The following SOX5 variants were observed in gnomAD, a reference collection of about 807,000 sequenced individuals.
SOX5 encodes the protein SRY-box transcription factor 5.
SOX5 carries 9 observed loss-of-function variants against 92.0 expected under a neutral mutation model. That is an observed-to-expected ratio of 0.10 (90% CI 0.06 to 0.17). The LOEUF is 0.17. Ranked by LOEUF, SOX5 falls within the 10% of genes least tolerant of loss-of-function variation. The pLI is 1.00. For missense variants in SOX5, 642 were observed against 944.5 expected, an observed-to-expected ratio of 0.68 and a Z score of 4.20; for synonymous variants, 344 against 336.3, an observed-to-expected ratio of 1.02 and a Z score of -0.25.
At chr12:23,641,800 G>C (rs548605388) in intron 7 of SOX5, among the ~76,000 whole-genome samples, 3 of 152,182 alleles carry the variant, frequency 2.0e-5, no homozygotes, top group African/African-American at 7.2e-5. Flanking sequence ...AAAAATAATA[G>C]AACAATTTTG....
At chr12:24,166,918 T>C (rs566139329) in intron 4 of SOX5, among the ~76,000 whole-genome samples, 6 of 152,308 alleles carry the variant, frequency 3.9e-5, no homozygotes, top group Non-Finnish European at 7.4e-5. Context: ...CTGGAATGAT[T>C]CAGTGCTCAG....
At chr12:23,612,613 A>G (rs961862772) in intron 8 of SOX5, among the ~76,000 whole-genome samples, 1 of 152,188 alleles carries the variant, frequency 6.6e-6, no homozygotes, top group African/African-American at 2.4e-5. Context: ...AACAATTAAC[A>G]TATATGCAAT....
intron 7 of SOX5, among the ~76,000 whole-genome samples, chr12:23,651,149 T>C (rs998889095): frequency 4.6e-5 from 7 of 152,092 alleles, no homozygotes; most frequent in Non-Finnish European, 1.0e-4. Context: ...TCCCACTGAT[T>C]TGAAATGTGG....
intron 4 of SOX5, among the ~76,000 whole-genome samples, chr12:24,092,909 G>A (rs1449247697): frequency 6.6e-6 from 1 of 152,050 alleles, no homozygotes; most frequent in East Asian, 1.9e-4. Flanking sequence ...GGCCTTTAAC[G>A]CCACAGATTG....
chr12:23,914,573 A>G (rs1406799499), intron 1 of SOX5, among the ~76,000 whole-genome samples: 1 of 152,174 alleles, frequency 6.6e-6, no homozygotes, highest in East Asian at 1.9e-4. Context: ...CATTTGAGTG[A>G]TACCAATAAT....
chr12:23,758,661 T>C (rs147721726), intron 3 of SOX5, among the ~76,000 whole-genome samples: 3 of 152,076 alleles, frequency 2.0e-5, no homozygotes, highest in African/African-American at 4.8e-5. Flanking sequence ...AGCACATACA[T>C]TGCTGTGGTT....
intron 8 of SOX5, among the ~76,000 whole-genome samples, chr12:23,606,122 T>C (rs73091309): frequency 0.078 from 11,864 of 151,942 alleles, 633 homozygotes; most frequent in Middle Eastern, 0.11. Flanking sequence ...ATCTATGCAT[T>C]ATATACTGCA....
At chr12:24,299,867 T>C (rs1391712902) in intron 2 of SOX5, among the ~76,000 whole-genome samples, 2 of 152,340 alleles carry the variant, frequency 1.3e-5, no homozygotes, top group African/African-American at 2.4e-5. Flanking sequence ...TACCCGTTAT[T>C]TGATGACCCC....
intron 4 of SOX5, among the ~76,000 whole-genome samples, chr12:23,971,539 A>G (rs1030856118): frequency 2.7e-5 from 4 of 150,336 alleles, no homozygotes; most frequent in Admixed American, 2.7e-4. Context: ...GAATATATAT[A>G]TATATATATT....
intron 1 of SOX5, among the ~76,000 whole-genome samples, chr12:24,459,007 G>T (rs556669814): frequency 1.5e-4 from 23 of 152,190 alleles, no homozygotes; most frequent in Non-Finnish European, 2.6e-4. Context: ...GACACTGCTG[G>T]TATCAATTCT....
chr12:23,720,266 G>A (rs889102754), intron 6 of SOX5, among the ~76,000 whole-genome samples: 2 of 152,176 alleles, frequency 1.3e-5, no homozygotes, highest in Admixed American at 6.5e-5. Flanking sequence ...TACATGTGGA[G>A]AACTGTGAAT....
chr12:23,593,952 CTTGT>C (rs1310383853), intron 9 of SOX5, among the ~76,000 whole-genome samples: 3 of 152,072 alleles, frequency 2.0e-5, no homozygotes, highest in Non-Finnish European at 2.9e-5. Flanking sequence ...TCTTATGTGA[CTTGT>C]TTATCTACTT....
chr12:24,332,632 G>A (rs576347445), intron 2 of SOX5, among the ~76,000 whole-genome samples: 1 of 152,080 alleles, frequency 6.6e-6, no homozygotes, highest in African/African-American at 2.4e-5. Flanking sequence ...GGTTTGAAAA[G>A]GAAGGCAGAA....
chr12:23,556,885 T>C (rs566427314), intron 11 of SOX5, among the ~76,000 whole-genome samples: 1 of 152,292 alleles, frequency 6.6e-6, no homozygotes, highest in East Asian at 1.9e-4. Context: ...TTCCGAAGAG[T>C]TAACACTGCT....
chr12:24,060,528 T>C (rs184697858), intron 4 of SOX5, among the ~76,000 whole-genome samples: 107 of 152,332 alleles, frequency 7.0e-4, no homozygotes, highest in African/African-American at 2.4e-3. Context: ...TATTCTGTTA[T>C]CAGGGAGATC....
chr12:24,260,573 A>G (rs965544187), intron 3 of SOX5, among the ~76,000 whole-genome samples: 2 of 152,154 alleles, frequency 1.3e-5, no homozygotes, highest in Non-Finnish European at 2.9e-5. Context: ...TACTTTTCTA[A>G]CAGAGCTCCT....
chr12:23,722,132 A>C (rs2092852569), intron 6 of SOX5, among the ~76,000 whole-genome samples: 2 of 152,218 alleles, frequency 1.3e-5, no homozygotes. Flanking sequence ...AAGCCTAATC[A>C]CTGAGCATAA....
chr12:24,078,059 T>C (rs1263465604), intron 4 of SOX5, among the ~76,000 whole-genome samples: 1 of 151,746 alleles, frequency 6.6e-6, no homozygotes, highest in Non-Finnish European at 1.5e-5. Context: ...TTATAATATG[T>C]ACACAGATGA....
chr12:24,447,345 A>G (rs73285522), intron 1 of SOX5, among the ~76,000 whole-genome samples: 1,974 of 152,286 alleles, frequency 0.013, 48 homozygotes, highest in African/African-American at 0.045. Flanking sequence ...AGCCCCATCC[A>G]TCCATGAGGA....
Sources: gnomAD v4.1 joint callset for allele counts (sites outside exome capture counted in the v4.1 genomes callset) on GRCh38, gnomAD v4.1.1 for gene constraint, MANE v1.5 for transcripts, NCBI Gene and HGNC (gene_info 2026-07-23, HGNC 2026-07-21) for gene names.